Variants in SORCS1 observed in about 807,000 individuals in gnomAD.
SORCS1 encodes VPS10 domain-containing receptor SorCS1.
SORCS1 carries 60 observed loss-of-function variants against 146.1 expected under a neutral mutation model. The ratio of observed to expected loss-of-function variants is 0.41; its 90% CI spans 0.33 to 0.51. The LOEUF is 0.51. Ranked by LOEUF, SORCS1 falls within the 20% of genes least tolerant of loss-of-function variation. The pLI is 0.21. For synonymous variants in SORCS1, 637 were observed against 584.0 expected (o/e 1.09, Z -1.31); for missense variants, 1,352 against 1,487.6 (o/e 0.91, Z 1.50).
At position 106,776,514 on chromosome 10, in the gene SORCS1, A is replaced by G. The variant is rs1860443803; in HGVS notation, c.885+20T>C. Reference sequence around the variant, plus strand: ...CGGAGAACCATGCTTCATTGTCTCAAACAAGGTAAGTATGCTCACCTTTTG... The same window carrying G: ...CGGAGAACCATGCTTCATTGTCTCAGACAAGGTAAGTATGCTCACCTTTTG... On this transcript the variant is annotated intron_variant, in intron 4 of 25. Transcript: ENST00000263054. 1 of 1,612,544 alleles carries G rather than the reference A, an allele frequency of 6.2e-7. No homozygotes were observed. Among genetic ancestry groups the G allele is most frequent in the Non-Finnish European group, 8.5e-7 (1 of 1,179,028 alleles).
At position 107,164,676 on chromosome 10, in the gene SORCS1, G is replaced by A; in HGVS notation, c.-150C>T. ...GGGCGGGCGGAGGCGGCGCCGGGCA[G>A]GTGGCGGCCGCTTGCCCGGGCTGGG... On this transcript the variant is annotated 5_prime_UTR_variant, in exon 1 of 26. Transcript: ENST00000263054. The surrounding 1 kb of genome is among the most constrained non-coding windows in gnomAD (Gnocchi z 6.8). 1.7e-6 allele frequency: 1 copy of A among 580,988 alleles called. No homozygotes were observed. The highest frequency in any genetic ancestry group is 2.5e-6 in the Non-Finnish European group (1 of 393,684). The allele number at this position is 580,988 out of a possible 1,614,324, so 36.0% of individuals were successfully genotyped here.
At chr10:106,587,049 A>G (rs1845284069) in intron 24 of SORCS1, among the ~76,000 whole-genome samples, 1 of 152,222 alleles carries the variant, frequency 6.6e-6, no homozygotes, top group Admixed American at 6.5e-5. Context: ...ATATTTAGAT[A>G]TATATCTACA....
At chr10:107,080,299 C>T (rs1963231230) in intron 1 of SORCS1, among the ~76,000 whole-genome samples, 1 of 152,174 alleles carries the variant, frequency 6.6e-6, no homozygotes, top group Non-Finnish European at 1.5e-5. Context: ...TGTTCCCCTG[C>T]ATTAAATCTC....
upstream of SORCS1, among the ~76,000 whole-genome samples, chr10:107,166,711 C>G (rs1355104416): frequency 6.6e-6 from 1 of 152,180 alleles, no homozygotes; most frequent in Admixed American, 6.5e-5. Context: ...TGACTTCTTT[C>G]TATGCCCTGC....
chr10:106,695,576 T>C (rs1364182325), intron 9 of SORCS1, among the ~76,000 whole-genome samples: 1 of 152,164 alleles, frequency 6.6e-6, no homozygotes, highest in African/African-American at 2.4e-5. Flanking sequence ...TTACTTATAT[T>C]TGAAGTGAAA....
At chr10:107,054,814 T>C (rs1960444099) in intron 1 of SORCS1, among the ~76,000 whole-genome samples, 1 of 152,214 alleles carries the variant, frequency 6.6e-6, no homozygotes, top group South Asian at 2.1e-4. Context: ...CGTGAACAAA[T>C]TATTTACCAT....
chr10:107,056,562 GA>G (rs1431157339), intron 1 of SORCS1, among the ~76,000 whole-genome samples: 1 of 152,178 alleles, frequency 6.6e-6, no homozygotes, highest in Non-Finnish European at 1.5e-5. Context: ...GAGGACAGAG[GA>G]AAACTATCTC....
intron 3 of SORCS1, among the ~76,000 whole-genome samples, chr10:106,810,326 A>C (rs1947394894): frequency 6.6e-6 from 1 of 152,034 alleles, no homozygotes; most frequent in African/African-American, 2.4e-5. Flanking sequence ...CCCCCTCTTC[A>C]CTCATCTTGC....
At chr10:106,720,842 T>A (rs944527636) in intron 6 of SORCS1, among the ~76,000 whole-genome samples, 1 of 152,066 alleles carries the variant, frequency 6.6e-6, no homozygotes, top group South Asian at 2.1e-4. Context: ...TGGCATATAA[T>A]GGCTACAAAG....
At chr10:107,032,193 A>G (rs1239143894) in intron 1 of SORCS1, among the ~76,000 whole-genome samples, 3 of 152,200 alleles carry the variant, frequency 2.0e-5, no homozygotes, top group African/African-American at 7.2e-5. Context: ...ACACGTAGAC[A>G]CACATGTCCA....
intron 5 of SORCS1, among the ~76,000 whole-genome samples, chr10:106,759,512 A>G (rs1471143471): frequency 6.6e-6 from 1 of 152,180 alleles, no homozygotes; most frequent in Non-Finnish European, 1.5e-5. Context: ...AAAGGTATTG[A>G]TAAATATTAA....
intron 2 of SORCS1, among the ~76,000 whole-genome samples, chr10:106,899,999 T>G (rs908708658): frequency 5.5e-4 from 83 of 152,088 alleles, no homozygotes; most frequent in African/African-American, 1.9e-3. Flanking sequence ...GATGTCCATC[T>G]CTTCCTTCTC....
chr10:107,028,293 C>T (rs1424074287), intron 1 of SORCS1, among the ~76,000 whole-genome samples: 2 of 152,156 alleles, frequency 1.3e-5, no homozygotes, highest in African/African-American at 4.8e-5. Flanking sequence ...TGCTCAATTC[C>T]CCATCCTTTT....
chr10:107,146,280 C>T (rs1968317259), intron 1 of SORCS1, among the ~76,000 whole-genome samples: 2 of 152,066 alleles, frequency 1.3e-5, no homozygotes, highest in Non-Finnish European at 2.9e-5. Context: ...ATACAGATTT[C>T]TGTAAATGCA....
chr10:106,842,224 T>C (rs1372784981), intron 2 of SORCS1, among the ~76,000 whole-genome samples: 1 of 152,108 alleles, frequency 6.6e-6, no homozygotes, highest in East Asian at 1.9e-4. Flanking sequence ...TATGTTATTA[T>C]TTTATTATTT....
intron 2 of SORCS1, among the ~76,000 whole-genome samples, chr10:106,944,878 T>TTTTTC (rs1954245979): frequency 1.3e-5 from 1 of 74,280 alleles, no homozygotes; most frequent in South Asian, 6.3e-4. Context: ...AGCCTTCTTT[T>TTTTTC]TTTTTTTTTT....
intron 18 of SORCS1, among the ~76,000 whole-genome samples, chr10:106,641,437 G>C (rs1450963144): frequency 2.0e-5 from 3 of 152,052 alleles, no homozygotes; most frequent in African/African-American, 7.3e-5. Flanking sequence ...CTTTGCTACG[G>C]TTTTAGCCAT....
intron 2 of SORCS1, among the ~76,000 whole-genome samples, chr10:106,887,984 G>A (rs1029555094): frequency 2.0e-5 from 3 of 152,146 alleles, no homozygotes; most frequent in Non-Finnish European, 2.9e-5. Context: ...GACTTATTAT[G>A]TAACATGAAG....
At chr10:107,065,268 G>A (rs1044777853) in intron 1 of SORCS1, among the ~76,000 whole-genome samples, 1 of 152,058 alleles carries the variant, frequency 6.6e-6, no homozygotes, top group African/African-American at 2.4e-5. Context: ...GAGCCTAAGC[G>A]AGCTTTGCAC....
Sources: allele counts gnomAD v4.1 joint callset (sites outside exome capture counted in the v4.1 genomes callset), GRCh38; gene constraint gnomAD v4.1.1; non-coding constraint Gnocchi (gnomAD v3.1); transcripts MANE v1.5; gene names NCBI Gene and HGNC (gene_info 2026-07-23, HGNC 2026-07-21).